The following THSD7B variants were observed in gnomAD, a reference collection of about 807,000 sequenced individuals.
The protein encoded by THSD7B is thrombospondin type-1 domain-containing protein 7B.
Under a neutral mutation model 213.6 loss-of-function variants are expected in THSD7B, and 138 were observed. That is an observed-to-expected ratio of 0.65 (90% CI 0.56 to 0.74). The LOEUF is 0.74. Ranked by LOEUF, THSD7B falls within the 30% of genes least tolerant of loss-of-function variation. The pLI, the probability that THSD7B is intolerant of heterozygous loss-of-function variation, is 0.00. For missense variants in THSD7B, 1,931 were observed against 1,991.5 expected (o/e 0.97, Z 0.58); for synonymous variants, 742 against 687.0 (o/e 1.08, Z -1.25).
chr2:137,236,029 C>T (rs569106859), intron 9 of THSD7B, among the ~76,000 whole-genome samples: 2 of 152,228 alleles, frequency 1.3e-5, no homozygotes, highest in South Asian at 4.1e-4. Context: ...ACCTAGTGTC[C>T]AGTGAAGCAC....
chr2:137,252,945 G>T (rs1028833424), intron 10 of THSD7B, among the ~76,000 whole-genome samples: 19 of 126,820 alleles, frequency 1.5e-4, no homozygotes, highest in Non-Finnish European at 3.0e-4. Flanking sequence ...TTACTTCACA[G>T]CTTTGGTTTG....
At chr2:137,641,744 A>G (rs1217231530) in intron 20 of THSD7B, among the ~76,000 whole-genome samples, 1 of 152,206 alleles carries the variant, frequency 6.6e-6, no homozygotes, top group African/African-American at 2.4e-5. Context: ...GATTTTTACT[A>G]ATCAATTGTC....
intron 2 of THSD7B, among the ~76,000 whole-genome samples, chr2:136,897,465 A>C (rs1452874655): frequency 6.6e-6 from 1 of 151,982 alleles, no homozygotes; most frequent in Non-Finnish European, 1.5e-5. Flanking sequence ...CAGTGGGTTC[A>C]TGGTCTCACT....
chr2:137,122,767 C>T (rs1688566292), intron 5 of THSD7B, among the ~76,000 whole-genome samples: 2 of 152,102 alleles, frequency 1.3e-5, no homozygotes, highest in Admixed American at 1.3e-4. Context: ...ATATAGTCTC[C>T]CTTATTTTCC....
At chr2:137,042,699 G>A (rs1449521762) in intron 2 of THSD7B, among the ~76,000 whole-genome samples, 4 of 152,130 alleles carry the variant, frequency 2.6e-5, no homozygotes, top group Non-Finnish European at 5.9e-5. Context: ...ATCCAGGAAA[G>A]GCAGGGGACA....
At chr2:137,088,537 C>T (rs1052110513) in intron 3 of THSD7B, among the ~76,000 whole-genome samples, 2 of 150,800 alleles carry the variant, frequency 1.3e-5, no homozygotes, top group Non-Finnish European at 1.5e-5. Flanking sequence ...TGGAAGATAA[C>T]ATTGGAAAAA....
At chr2:137,468,032 G>T in intron 15 of THSD7B, among the ~76,000 whole-genome samples, 1 of 152,162 alleles carries the variant, frequency 6.6e-6, no homozygotes, top group East Asian at 1.9e-4. Flanking sequence ...GAATGCTAAT[G>T]AAGAAAACTA....
intron 11 of THSD7B, among the ~76,000 whole-genome samples, chr2:137,275,593 C>T (rs1682851579): frequency 6.6e-6 from 1 of 151,666 alleles, no homozygotes; most frequent in Non-Finnish European, 1.5e-5. Context: ...GAACTAGACC[C>T]TCCAGACTGA....
intron 2 of THSD7B, among the ~76,000 whole-genome samples, chr2:137,047,585 G>T (rs2104867976): frequency 6.6e-6 from 1 of 152,272 alleles, no homozygotes; most frequent in Middle Eastern, 3.4e-3. Context: ...TGCAGGAGGG[G>T]TGCTGAATAC....
chr2:137,496,901 C>T (rs749675317), intron 15 of THSD7B, among the ~76,000 whole-genome samples: 14 of 152,056 alleles, frequency 9.2e-5, no homozygotes, highest in Non-Finnish European at 2.1e-4. Flanking sequence ...AGAGGTTACC[C>T]TTGAGGAGTT....
chr2:136,899,270 G>A (rs1050908576), intron 2 of THSD7B, among the ~76,000 whole-genome samples: 1 of 152,086 alleles, frequency 6.6e-6, no homozygotes, highest in Admixed American at 6.6e-5. Context: ...ACCCCTGGGG[G>A]TTAAATATCA....
rs762122933 is a variant in THSD7B, at chr2:137,232,962, G to C, written c.1979G>C (p.Cys660Ser). ...CATCGTTTGTGTAATGACCATTCCT[G>C]TATGCAGCTTCACTGGGAGACATCG... The part of the protein sequence containing the change: ...QEHRLCNDHS[C>S]MQLHWETSPW... The change falls in exon 9 of 28, where the codon TGT (cysteine) becomes TCT (serine). Residue 660 changes from cysteine (C) to serine (S), a missense_variant. Physicochemically the swap from Cys to Ser is moderately radical, Grantham distance 112. Transcript: ENST00000409968. 6.2e-7 allele frequency: 1 copy of C among 1,613,828 alleles called. No homozygotes were observed. Among genetic ancestry groups the C allele is most frequent in the Non-Finnish European group, 8.5e-7 (1 of 1,179,846 alleles).
At chr2:137,650,732 C>A (rs1220738444) in intron 21 of THSD7B, among the ~76,000 whole-genome samples, 5 of 152,124 alleles carry the variant, frequency 3.3e-5, no homozygotes, top group Non-Finnish European at 5.9e-5. Flanking sequence ...CATATGAAAT[C>A]TTTACTATTT....
intron 5 of THSD7B, among the ~76,000 whole-genome samples, chr2:137,149,219 A>G (rs1679765874): frequency 6.6e-6 from 1 of 152,190 alleles, no homozygotes; most frequent in African/African-American, 2.4e-5. Context: ...AGTCAAGAAT[A>G]AAGGTTTGGG....
At chr2:137,635,243 G>C (rs1300330569) in intron 20 of THSD7B, among the ~76,000 whole-genome samples, 1 of 152,282 alleles carries the variant, frequency 6.6e-6, no homozygotes. Context: ...GTCAACTTCT[G>C]TTCCTTCATC....
intron 1 of THSD7B, among the ~76,000 whole-genome samples, chr2:136,802,011 T>C (rs1573644504): frequency 6.6e-6 from 1 of 152,108 alleles, no homozygotes; most frequent in Non-Finnish European, 1.5e-5. Flanking sequence ...ATAACACAAA[T>C]GCATGTGTGG....
At chr2:137,475,007 A>C (rs1688165588) in intron 15 of THSD7B, among the ~76,000 whole-genome samples, 1 of 152,104 alleles carries the variant, frequency 6.6e-6, no homozygotes, top group Admixed American at 6.5e-5. Flanking sequence ...GTATTCTTGT[A>C]CTTAAACTTC....
chr2:136,869,462 C>T (rs528129891), intron 1 of THSD7B, among the ~76,000 whole-genome samples: 3 of 152,298 alleles, frequency 2.0e-5, no homozygotes, highest in East Asian at 3.9e-4. Context: ...GCCAAATACA[C>T]ATTTTAATCA....
At chr2:137,094,744 T>G in intron 3 of THSD7B, 129 bp from the exon 4 acceptor site, 1 of 1,204,030 alleles carries the variant, frequency 8.3e-7, no homozygotes, top group Non-Finnish European at 1.2e-6. Flanking sequence ...TCTCTAAAAT[T>G]TTTTAAAAAT....
Sources: allele counts gnomAD v4.1 joint callset (sites outside exome capture counted in the v4.1 genomes callset), GRCh38; gene constraint gnomAD v4.1.1; transcripts MANE v1.5; gene names NCBI Gene and HGNC (gene_info 2026-07-23, HGNC 2026-07-21).